Variants in PTPRT observed in about 807,000 individuals in gnomAD.
PTPRT encodes protein tyrosine phosphatase receptor type T, also known as receptor-type tyrosine-protein phosphatase T.
Under a neutral mutation model 176.8 loss-of-function variants are expected in PTPRT, and 56 were observed. That is an observed-to-expected ratio of 0.32 (90% confidence interval 0.26 to 0.40). PTPRT has a LOEUF of 0.40. Among genes scored for constraint, PTPRT ranks in the 10% least tolerant of loss-of-function variants. The pLI, the probability that PTPRT is intolerant of heterozygous loss-of-function variation, is 1.00. For missense variants in PTPRT, 1,540 were observed against 1,908.2 expected (o/e 0.81, Z 3.60); for synonymous variants, 783 against 739.0 (o/e 1.06, Z -0.96).
chr20:42,981,597 G>C (rs1332625321), intron 1 of PTPRT, among the ~76,000 whole-genome samples: 1 of 152,216 alleles, frequency 6.6e-6, no homozygotes, highest in Admixed American at 6.5e-5. Context: ...CCCACATGGA[G>C]GAGAACCAAG....
chr20:42,190,392 T>C (rs1474562303), intron 16 of PTPRT, among the ~76,000 whole-genome samples: 3 of 152,192 alleles, frequency 2.0e-5, no homozygotes, highest in Non-Finnish European at 2.9e-5. Context: ...CTCATAACTA[T>C]TAATGGGCTT....
chr20:42,446,621 TGAGAGA>T (rs369315599), intron 9 of PTPRT, among the ~76,000 whole-genome samples: 5 of 130,082 alleles, frequency 3.8e-5, no homozygotes, highest in African/African-American at 1.4e-4. Context: ...TGTGTGTGTG[TGAGAGA>T]GAGAGAGAGA....
Position 42,119,975 on chromosome 20 carries a change from G to A in PTPRT, c.2848-4C>T. 6.2e-7 allele frequency: 1 copy of A among 1,608,016 alleles called. No individual in the cohort carries two copies. Among genetic ancestry groups the A allele is most frequent in the Non-Finnish European group, 8.5e-7 (1 of 1,177,008 alleles). On this transcript the variant is annotated splice_polypyrimidine_tract_variant and splice_region_variant and intron_variant, in intron 19 of 30. Transcript: ENST00000373187. The stretch of plus-strand genomic sequence containing the variant: ...AGTGCCGAGGTCGATGGTATCCCTG[G>A]ATAACAGGAGAAAAGCACTGTGAAG...
intron 7 of PTPRT, among the ~76,000 whole-genome samples, chr20:42,519,699 T>C (rs931358964): frequency 1.3e-5 from 2 of 152,108 alleles, no homozygotes; most frequent in Non-Finnish European, 2.9e-5. Flanking sequence ...TTGATCAATT[T>C]TATGCATCCA....
rs550519129 is a variant in PTPRT, at chr20:42,110,285, C to T, written c.3254+48G>A. On this transcript the variant is annotated intron_variant, in intron 23 of 30. Transcript: ENST00000373187. ...CAGGCTGGTCTCGAACTCCTGACCT[C>T]GTGATCTGCCCGCCTCGGCCTCCCA... 22 of 1,539,354 alleles carry T rather than the reference C, an allele frequency of 1.4e-5. No homozygotes were observed. In the South Asian group the frequency reaches 1.5e-4, roughly 10 times the overall value.
intron 7 of PTPRT, among the ~76,000 whole-genome samples, chr20:42,639,130 C>T (rs1294465206): frequency 6.6e-6 from 1 of 152,112 alleles, no homozygotes; most frequent in East Asian, 1.9e-4. Flanking sequence ...GGCCCAAATG[C>T]ACACTTGACC....
intron 13 of PTPRT, among the ~76,000 whole-genome samples, chr20:42,279,454 C>T (rs2057102437): frequency 6.6e-6 from 1 of 152,158 alleles, no homozygotes; most frequent in African/African-American, 2.4e-5. Context: ...GATTCTTCCT[C>T]ACAACACTCA....
chr20:42,189,496 G>A (rs1021446488), intron 16 of PTPRT, among the ~76,000 whole-genome samples: 4 of 152,296 alleles, frequency 2.6e-5, no homozygotes, highest in South Asian at 2.1e-4. Flanking sequence ...TTGGCATAGA[G>A]TCGGCATTCA....
chr20:42,793,948 C>A (rs2077414692), intron 2 of PTPRT, among the ~76,000 whole-genome samples: 1 of 152,138 alleles, frequency 6.6e-6, no homozygotes, highest in Non-Finnish European at 1.5e-5. Context: ...CCCATGATAC[C>A]CGCATGCACA....
intron 15 of PTPRT, among the ~76,000 whole-genome samples, chr20:42,207,052 G>C (rs1456767868): frequency 7.9e-5 from 12 of 151,994 alleles, no homozygotes; most frequent in African/African-American, 2.9e-4. Flanking sequence ...CACAAGGCAG[G>C]GTATTCCAAC....
chr20:42,680,469 A>C (rs1600597383), intron 6 of PTPRT, among the ~76,000 whole-genome samples: 1 of 152,212 alleles, frequency 6.6e-6, no homozygotes, highest in Non-Finnish European at 1.5e-5. Context: ...TTCTAAGCTC[A>C]TCCTTTGTGC....
intron 6 of PTPRT, among the ~76,000 whole-genome samples, chr20:42,690,033 C>T (rs937893283): frequency 6.6e-6 from 1 of 152,078 alleles, no homozygotes; most frequent in Non-Finnish European, 1.5e-5. Context: ...GGGAAGGCTT[C>T]CTAGAGCAAT....
chr20:42,319,038 T>G (rs1231666820), intron 11 of PTPRT, among the ~76,000 whole-genome samples: 1 of 152,218 alleles, frequency 6.6e-6, no homozygotes, highest in African/African-American at 2.4e-5. Flanking sequence ...TGCCAAGGAC[T>G]ATTAGACACA....
Position 42,079,133 on chromosome 20 carries a change from C to T in PTPRT, c.*1746G>A, listed in dbSNP as rs1012286833. The T allele has an allele frequency of 2.1e-5, 4 of 191,984 alleles. No individual in the cohort carries two copies. The highest frequency in any genetic ancestry group is 9.3e-5 in the African/African-American group (4 of 43,004). 11.9% of individuals were successfully genotyped at this position (191,984 alleles called of 1,614,324 possible). The stretch of plus-strand genomic sequence containing the variant: ...CGAGAGTTTCCCTGGCTGGTCCATT[C>T]ATAGCCTGAAGGAACAGGGAATTGT... On this transcript the variant is annotated 3_prime_UTR_variant, in exon 31 of 31. Transcript: ENST00000373187.
intron 9 of PTPRT, among the ~76,000 whole-genome samples, chr20:42,438,978 C>A (rs2059287798): frequency 6.6e-6 from 1 of 152,244 alleles, no homozygotes; most frequent in African/African-American, 2.4e-5. Flanking sequence ...TCACTCACAT[C>A]AGAATGCAAC....
chr20:43,004,927 T>C (rs779555527), intron 1 of PTPRT, among the ~76,000 whole-genome samples: 10 of 152,200 alleles, frequency 6.6e-5, no homozygotes, highest in Non-Finnish European at 1.0e-4. Context: ...TGTGGGAATT[T>C]GGCTTTGTAT....
At chr20:42,244,759 T>C (rs1003861688) in intron 14 of PTPRT, among the ~76,000 whole-genome samples, 1 of 152,208 alleles carries the variant, frequency 6.6e-6, no homozygotes, top group African/African-American at 2.4e-5. Flanking sequence ...CAAACAAACA[T>C]TGAATTGTAG....
At chr20:42,081,283 A>T (rs577634011) in intron 30 of PTPRT, among the ~76,000 whole-genome samples, 1 of 152,152 alleles carries the variant, frequency 6.6e-6, no homozygotes, top group Non-Finnish European at 1.5e-5. Flanking sequence ...AAGATTCTGC[A>T]TTTCTAACAA....
In PTPRT at chr20:42,420,779, C is replaced by G. The variant is rs981962671; in HGVS notation, c.1560+27441G>C. ...GAAACCAACCCCTACCAACATGGGTCTAGGACCAACCCCCGCCAAGACCTC... is the reference window on the plus strand; with the variant it reads ...GAAACCAACCCCTACCAACATGGGTGTAGGACCAACCCCCGCCAAGACCTC... On this transcript the variant is annotated intron_variant, in intron 9 of 30. Transcript: ENST00000373187. Among the ~76,000 whole-genome samples the G allele has an allele frequency of 2.0e-5, 3 of 152,306 alleles. No individual in the cohort carries two copies. In the South Asian group the frequency reaches 6.2e-4, roughly 32 times the overall value.
Sources: allele counts gnomAD v4.1 joint callset (sites outside exome capture counted in the v4.1 genomes callset), GRCh38; gene constraint gnomAD v4.1.1; transcripts MANE v1.5; gene names NCBI Gene and HGNC (gene_info 2026-07-23, HGNC 2026-07-21).